The following ARMH4 variants were observed in gnomAD, a reference collection of about 807,000 sequenced individuals.
ARMH4 encodes armadillo-like helical domain-containing protein 4.
Under a neutral mutation model 61.9 loss-of-function variants are expected in ARMH4, and 49 were observed. The observed-to-expected ratio is 0.79, with a 90% CI of 0.63 to 1.00. The LOEUF is 1.00. ARMH4 is among the 50% of genes least tolerant of loss of function. The pLI, the probability that ARMH4 is intolerant of heterozygous loss-of-function variation, is 0.00. For synonymous variants in ARMH4, 368 were observed against 341.5 expected, an observed-to-expected ratio of 1.08 and a Z score of -0.85; for missense variants, 934 against 930.0, an observed-to-expected ratio of 1.00 and a Z score of -0.06.
chr14:58,089,230 AATACACTGACATTTGTTGC>A (rs1400164485), intron 5 of ARMH4, among the ~76,000 whole-genome samples: 2 of 152,206 alleles, frequency 1.3e-5, no homozygotes, highest in East Asian at 3.8e-4. Context: ...TATACATCAA[AATACACTGACATTTGTTGC>A]AATGAGGAGC....
intron 5 of ARMH4, among the ~76,000 whole-genome samples, chr14:58,065,658 A>G (rs1884679212): frequency 6.6e-6 from 1 of 152,234 alleles, no homozygotes; most frequent in South Asian, 2.1e-4. Context: ...ACCACTTCCT[A>G]CTACTATGTC....
chr14:58,011,324 T>C (rs1289157260), intron 6 of ARMH4, among the ~76,000 whole-genome samples: 2 of 152,074 alleles, frequency 1.3e-5, no homozygotes, highest in Non-Finnish European at 2.9e-5. Context: ...ATGAGGGAAA[T>C]TGACTGCAGG....
At chr14:58,044,875 T>TA (rs1403718955) in intron 5 of ARMH4, among the ~76,000 whole-genome samples, 34 of 152,342 alleles carry the variant, frequency 2.2e-4, no homozygotes, top group African/African-American at 7.2e-4. Flanking sequence ...TCATCGTCAC[T>TA]GGCCATCAGA....
chr14:58,106,138 T>C (rs901375105), intron 4 of ARMH4, among the ~76,000 whole-genome samples: 3 of 152,196 alleles, frequency 2.0e-5, no homozygotes, highest in African/African-American at 7.2e-5. Context: ...AGCATCTCTT[T>C]AGAAGACGTG....
chr14:58,069,638 A>C (rs1884819833), intron 5 of ARMH4, among the ~76,000 whole-genome samples: 1 of 152,170 alleles, frequency 6.6e-6, no homozygotes, highest in South Asian at 2.1e-4. Context: ...CAGGGATATA[A>C]AGTATGCAGA....
chr14:58,096,756 G>C lies in ARMH4; in HGVS notation c.2057C>G (p.Ala686Gly), dbSNP rs968080475. 1.2e-6 allele frequency: 2 copies of C among 1,613,880 alleles called. No individual in the cohort carries two copies. Among genetic ancestry groups the C allele is most frequent in the African/African-American group, 2.7e-5 (2 of 74,888 alleles). The change falls in exon 5 of 8, where the codon GCC becomes GGC. Residue 686 changes from alanine to glycine, a missense_variant. Transcript: ENST00000267485. ...TTGATTCTGCTGTTCCCACTCGAGG[G>C]CATCTGGCACCTGGTAGGTAGCTCC... ...LEGATYQVPD[A>G]LEWEQQNQGL...
chr14:58,084,966 C>T (rs1885334854), intron 5 of ARMH4, among the ~76,000 whole-genome samples: 1 of 152,218 alleles, frequency 6.6e-6, no homozygotes, highest in South Asian at 2.1e-4. Flanking sequence ...CACTAAGCTT[C>T]GCTTTAAGGC....
intron 5 of ARMH4, among the ~76,000 whole-genome samples, chr14:58,023,091 T>C (rs935680790): frequency 6.6e-6 from 1 of 152,212 alleles, no homozygotes; most frequent in African/African-American, 2.4e-5. Context: ...GGCCGCTGAC[T>C]AATTAGGTGG....
intron 5 of ARMH4, among the ~76,000 whole-genome samples, chr14:58,034,215 C>T (rs1883380305): frequency 7.4e-6 from 1 of 135,958 alleles, no homozygotes; most frequent in Admixed American, 7.2e-5. Context: ...TCGGCAGAAA[C>T]CCTACAAGCC....
At position 58,057,748 on chromosome 14, in the gene ARMH4, A is replaced by G. The variant is rs75932275; in HGVS notation, c.2089+38976T>C. On this transcript the variant is annotated intron_variant, in intron 5 of 7. Coordinates refer to ENST00000267485, the MANE Select transcript of ARMH4 (RefSeq NM_001001872.4). ...GGAGCTAAGTGTCCTCTAGAGTAAA[A>G]GTGTTACCTGAACCATATGATCTTT... is the stretch of plus-strand genomic sequence containing the variant. Among the ~76,000 whole-genome samples the G allele has an allele frequency of 4.3e-3, 652 of 152,340 alleles. 5 individuals carry two copies. The highest frequency in any genetic ancestry group is 0.015 in the African/African-American group (631 of 41,572).
chr14:58,126,890 C>T (rs1443032176), intron 4 of ARMH4, among the ~76,000 whole-genome samples: 2 of 147,366 alleles, frequency 1.4e-5, no homozygotes, highest in African/African-American at 5.0e-5. Context: ...GCAACCTATG[C>T]TTCCCGGGTT....
chr14:58,120,278 G>T (rs966513126), intron 4 of ARMH4, among the ~76,000 whole-genome samples: 7 of 151,914 alleles, frequency 4.6e-5, no homozygotes, highest in Admixed American at 4.6e-4. Context: ...GAGGTGTGTT[G>T]TTGACCAAAA....
chr14:58,050,017 T>A (rs1048977555), intron 5 of ARMH4, among the ~76,000 whole-genome samples: 1 of 152,212 alleles, frequency 6.6e-6, no homozygotes, highest in Non-Finnish European at 1.5e-5. Context: ...GGTCAAGATT[T>A]TTTTCTCCAT....
intron 3 of ARMH4, 36 bp from the exon 4 acceptor site, chr14:58,131,757 A>G (rs751451261): frequency 6.3e-7 from 1 of 1,576,092 alleles, no homozygotes; most frequent in Admixed American, 1.7e-5. Flanking sequence ...GACCCACAAG[A>G]TAATCATTAT....
In ARMH4 at chr14:58,138,529, G is replaced by A. The variant is rs753724463; in HGVS notation, c.830C>T (p.Ser277Phe). ...AAATKQPLETSEYTLSVEPET... is the reference protein window; with the variant it reads ...AAATKQPLETFEYTLSVEPET... Reference sequence around the variant, plus strand: ...TGGCTCAACACTCAGGGTGTACTCGGAAGTTTCGAGTGGTTGCTTGGTGGC... The same window carrying A: ...TGGCTCAACACTCAGGGTGTACTCGAAAGTTTCGAGTGGTTGCTTGGTGGC... Residue 277 changes from serine to phenylalanine, a missense_variant, in exon 2 of 8, where the codon TCC becomes TTC. Coordinates refer to ENST00000267485, the MANE Select transcript of ARMH4 (RefSeq NM_001001872.4). The A allele has an allele frequency of 7.4e-6, 12 of 1,614,200 alleles. No homozygotes were observed. Among genetic ancestry groups the A allele is most frequent in the Admixed American group, 6.7e-5 (4 of 60,022 alleles).
chr14:58,028,235 T>C (rs1883090133), intron 5 of ARMH4, among the ~76,000 whole-genome samples: 1 of 152,206 alleles, frequency 6.6e-6, no homozygotes, highest in Non-Finnish European at 1.5e-5. Context: ...CTGTAATTTT[T>C]CAGGTGAACT....
intron 5 of ARMH4, among the ~76,000 whole-genome samples, chr14:58,071,634 A>G (rs1884885706): frequency 6.6e-6 from 1 of 152,186 alleles, no homozygotes; most frequent in Admixed American, 6.6e-5. Flanking sequence ...AGGGAAAGAC[A>G]GACTGCTTCA....
At chr14:58,029,274 C>A (rs1228619484) in intron 5 of ARMH4, among the ~76,000 whole-genome samples, 2 of 151,780 alleles carry the variant, frequency 1.3e-5, no homozygotes, top group Non-Finnish European at 2.9e-5. Context: ...ACTCTTGTTG[C>A]CCAGGTTGGA....
intron 5 of ARMH4, among the ~76,000 whole-genome samples, chr14:58,076,896 C>T (rs1371826259): frequency 6.6e-6 from 1 of 152,204 alleles, no homozygotes; most frequent in Admixed American, 6.5e-5. Flanking sequence ...TGAACCCAGA[C>T]TCGGGCCCCT....
Sources: gnomAD v4.1 joint callset for allele counts (sites outside exome capture counted in the v4.1 genomes callset) on GRCh38, gnomAD v4.1.1 for gene constraint, MANE v1.5 for transcripts, NCBI Gene and HGNC (gene_info 2026-07-23, HGNC 2026-07-21) for gene names.